The following RORA variants were observed in gnomAD, a reference collection of about 807,000 sequenced individuals.
The protein encoded by RORA is RAR related orphan receptor A, also known as nuclear receptor ROR-alpha.
RORA carries 7 observed loss-of-function variants against 69.5 expected under a neutral mutation model. The observed-to-expected ratio is 0.10, with a 90% CI of 0.06 to 0.19. The LOEUF (loss-of-function observed/expected upper bound fraction) is 0.19. Ranked by LOEUF, RORA falls within the 10% of genes least tolerant of loss-of-function variation. The pLI is 1.00. For synonymous variants in RORA, 261 were observed against 240.8 expected, an observed-to-expected ratio of 1.08 and a Z score of -0.78; for missense variants, 457 against 663.0, an observed-to-expected ratio of 0.69 and a Z score of 3.41.
At position 60,851,756 on chromosome 15, in the gene RORA, G is replaced by T. The variant is rs536490681; in HGVS notation, c.167-173070C>A. 1.6e-4 allele frequency among the ~76,000 whole-genome samples: 25 copies of T among 151,740 alleles called. No homozygotes were observed. The East Asian group carries it at 3.9e-3, about 24-fold the overall frequency. On this transcript the variant is annotated intron_variant, in intron 1 of 10. Transcript: ENST00000335670. ...AGTGTGTGTGTGTATGAGTGAGTGG[G>T]TGGGTGAGAGAGAGAGAGAGATTTT...
intron 1 of RORA, among the ~76,000 whole-genome samples, chr15:60,755,511 G>T (rs2071788990): frequency 6.6e-6 from 1 of 152,054 alleles, no homozygotes; most frequent in Non-Finnish European, 1.5e-5. Flanking sequence ...GTAATGGGAT[G>T]GCTGGGTCAA....
intron 1 of RORA, among the ~76,000 whole-genome samples, chr15:60,746,523 A>C (rs1216354246): frequency 6.6e-6 from 1 of 152,192 alleles, no homozygotes; most frequent in Non-Finnish European, 1.5e-5. Context: ...AGAAAAAAAA[A>C]CATTCTGACC....
At chr15:60,502,724 C>T (rs1249532983) in intron 8 of RORA, 36 bp downstream of exon 8, 7 of 1,279,970 alleles carry the variant, frequency 5.5e-6, no homozygotes, top group Non-Finnish European at 6.8e-6. Flanking sequence ...TCCTATAGCC[C>T]TGATTTGAAG....
intron 1 of RORA, among the ~76,000 whole-genome samples, chr15:61,203,362 A>T (rs2079912058): frequency 6.6e-6 from 1 of 152,320 alleles, no homozygotes; most frequent in Admixed American, 6.5e-5. Context: ...GGGAGCTAGA[A>T]ATGTTCTCTG....
intron 1 of RORA, among the ~76,000 whole-genome samples, chr15:60,719,713 T>C (rs1314915701): frequency 2.0e-5 from 3 of 152,184 alleles, no homozygotes; most frequent in Admixed American, 1.3e-4. Flanking sequence ...TATCAGACCC[T>C]TAAATTTTTA....
chr15:60,891,536 G>T (rs559079198), intron 1 of RORA, among the ~76,000 whole-genome samples: 1 of 152,310 alleles, frequency 6.6e-6, no homozygotes, highest in Admixed American at 6.5e-5. Context: ...CAGTAGAAAA[G>T]TCAAACGGGC....
intron 1 of RORA, among the ~76,000 whole-genome samples, chr15:60,893,674 A>T (rs537708511): frequency 6.6e-6 from 1 of 152,254 alleles, no homozygotes; most frequent in South Asian, 2.1e-4. Flanking sequence ...GGCTGAAGGA[A>T]GGAAGAAGTG....
chr15:60,825,535 G>A (rs919410398), intron 1 of RORA, among the ~76,000 whole-genome samples: 2 of 152,152 alleles, frequency 1.3e-5, no homozygotes, highest in South Asian at 2.1e-4. Context: ...AAGTCCCAAG[G>A]TCAAGAACCA....
intron 8 of RORA, 47 bp from the exon 9 acceptor site, chr15:60,501,116 TAGGAGAAAAACC>T: frequency 9.6e-7 from 1 of 1,038,028 alleles, no homozygotes; most frequent in Non-Finnish European, 1.5e-6. Context: ...ATTATTGTCT[TAGGAGAAAAACC>T]TAGGTCTTAG....
intron 1 of RORA, among the ~76,000 whole-genome samples, chr15:60,722,791 G>A (rs772440434): frequency 6.6e-6 from 1 of 152,214 alleles, no homozygotes; most frequent in Non-Finnish European, 1.5e-5. Flanking sequence ...TGGAGACCCT[G>A]TCATTCTGAT....
At position 60,537,071 on chromosome 15, in the gene RORA, T is replaced by C. The variant is rs1434040587; in HGVS notation, c.197-5220A>G. Among the ~76,000 whole-genome samples the C allele has an allele frequency of 3.3e-5, 5 of 152,252 alleles. No individual in the cohort carries two copies. The highest frequency in any genetic ancestry group is 5.9e-5 in the Non-Finnish European group (4 of 68,042). ...TGAGTCCTTTATGGATTAGTCACTT[T>C]ATTTTATCCCCTGTTTAAAACTGCC... On this transcript the variant is annotated intron_variant, in intron 2 of 10. Coordinates refer to ENST00000335670, the MANE Select transcript of RORA (RefSeq NM_134261.3). The surrounding 1 kb of genome is among the most constrained non-coding windows in gnomAD (Gnocchi z 4.9).
intron 1 of RORA, among the ~76,000 whole-genome samples, chr15:61,217,699 A>C (rs1033471291): frequency 2.6e-5 from 4 of 152,038 alleles, no homozygotes; most frequent in Admixed American, 2.6e-4. Context: ...GTACTCAGTA[A>C]ATATATGTTG....
intron 1 of RORA, among the ~76,000 whole-genome samples, chr15:61,203,707 C>A (rs2079914809): frequency 6.6e-6 from 1 of 152,158 alleles, no homozygotes. Flanking sequence ...TGAACAAGCA[C>A]AAGTCTTGAG....
intron 1 of RORA, among the ~76,000 whole-genome samples, chr15:61,155,712 T>A (rs1174436087): frequency 1.3e-5 from 2 of 152,280 alleles, no homozygotes; most frequent in Middle Eastern, 3.4e-3. Flanking sequence ...GGAAAAAAAA[T>A]AATAGTTTCC....
intron 1 of RORA, among the ~76,000 whole-genome samples, chr15:61,042,392 C>A (rs1896822929): frequency 6.6e-6 from 1 of 151,966 alleles, no homozygotes; most frequent in African/African-American, 2.4e-5. Flanking sequence ...CACACACACA[C>A]ACATACACAC....
chr15:60,640,321 C>G (rs1197496255), intron 2 of RORA, among the ~76,000 whole-genome samples: 2 of 152,194 alleles, frequency 1.3e-5, no homozygotes, highest in East Asian at 1.9e-4. Flanking sequence ...TAGAATTTAT[C>G]CACTTCTCTC....
chr15:60,718,687 T>C (rs565774390), intron 1 of RORA, among the ~76,000 whole-genome samples: 1 of 152,270 alleles, frequency 6.6e-6, no homozygotes, highest in Admixed American at 6.5e-5. Flanking sequence ...AAGGAATTCA[T>C]CTAACCATCC....
chr15:60,605,650 C>A (rs574855848), intron 2 of RORA, among the ~76,000 whole-genome samples: 10 of 152,116 alleles, frequency 6.6e-5, no homozygotes, highest in African/African-American at 2.4e-4. Flanking sequence ...CATGATGACT[C>A]ACTGACAAAG....
chr15:61,114,291 C>A (rs945853253), intron 1 of RORA, among the ~76,000 whole-genome samples: 8 of 152,092 alleles, frequency 5.3e-5, no homozygotes, highest in African/African-American at 1.9e-4. Flanking sequence ...TTCAGCTTTA[C>A]CCCTCAGCTA....
Sources: allele counts gnomAD v4.1 joint callset (sites outside exome capture counted in the v4.1 genomes callset), GRCh38; gene constraint gnomAD v4.1.1; non-coding constraint Gnocchi (gnomAD v3.1); transcripts MANE v1.5; gene names NCBI Gene and HGNC (gene_info 2026-07-23, HGNC 2026-07-21).